GRB14: variants seen among roughly 807,000 people sequenced by gnomAD.
The protein encoded by GRB14 is growth factor receptor bound protein 14, also known as growth factor receptor-bound protein 14.
In GRB14, 38 loss-of-function variants were observed where a neutral mutation model predicts 69.1. The ratio of observed to expected loss-of-function variants is 0.55; its 90% CI spans 0.42 to 0.72. GRB14 has a LOEUF of 0.72. GRB14 is among the 30% of genes least tolerant of loss of function. The pLI is 0.00. For missense variants in GRB14, 666 were observed against 666.1 expected, an observed-to-expected ratio of 1.00 and a Z score of 0.00; for synonymous variants, 247 against 241.3, an observed-to-expected ratio of 1.02 and a Z score of -0.22.
chr2:164,558,530 T>C (rs887615475), intron 2 of GRB14, among the ~76,000 whole-genome samples: 4 of 152,206 alleles, frequency 2.6e-5, no homozygotes, highest in Admixed American at 2.6e-4. Context: ...TCATCAAAGC[T>C]GTGTTCTCTG....
chr2:164,553,205 TA>T (rs935302902), intron 2 of GRB14, among the ~76,000 whole-genome samples: 6 of 152,180 alleles, frequency 3.9e-5, no homozygotes, highest in African/African-American at 7.2e-5. Flanking sequence ...CAATTTTTTT[TA>T]AAAAAGGGCT....
At chr2:164,588,499 G>C (rs1689586688) in intron 2 of GRB14, among the ~76,000 whole-genome samples, 1 of 152,112 alleles carries the variant, frequency 6.6e-6, no homozygotes, top group African/African-American at 2.4e-5. Context: ...GTCATACGTA[G>C]GTGGAGAGAG....
chr2:164,551,152 C>T (rs777818525), intron 2 of GRB14, among the ~76,000 whole-genome samples: 14 of 152,160 alleles, frequency 9.2e-5, no homozygotes, highest in Admixed American at 7.9e-4. Context: ...ATCAGTGCAC[C>T]ATCGCCTCAG....
intron 2 of GRB14, among the ~76,000 whole-genome samples, chr2:164,567,688 A>T (rs1270987412): frequency 6.6e-6 from 1 of 152,198 alleles, no homozygotes; most frequent in East Asian, 1.9e-4. Flanking sequence ...GAGACATAAA[A>T]ATAATCTTTA....
chr2:164,539,463 G>T (rs910494887), intron 3 of GRB14, among the ~76,000 whole-genome samples: 2 of 118,546 alleles, frequency 1.7e-5, no homozygotes, highest in Admixed American at 1.8e-4. Context: ...GACAGACGGC[G>T]ACTCCATCTC....
chr2:164,586,996 G>A (rs1035827922), intron 2 of GRB14, among the ~76,000 whole-genome samples: 1 of 152,110 alleles, frequency 6.6e-6, no homozygotes, highest in African/African-American at 2.4e-5. Flanking sequence ...ATAAAAGACC[G>A]TAGGCATGAG....
chr2:164,507,499 T>G (rs1364132502), intron 8 of GRB14, among the ~76,000 whole-genome samples: 7 of 152,184 alleles, frequency 4.6e-5, no homozygotes, highest in Non-Finnish European at 1.0e-4. Context: ...ACATATAATA[T>G]GCATAATCAA....
intron 2 of GRB14, among the ~76,000 whole-genome samples, chr2:164,604,285 T>C (rs1689993414): frequency 6.6e-6 from 1 of 152,202 alleles, no homozygotes; most frequent in African/African-American, 2.4e-5. Flanking sequence ...TAGTGTGGTC[T>C]TTAATGATGG....
At chr2:164,512,677 C>T (rs1687370775) in intron 6 of GRB14, among the ~76,000 whole-genome samples, 1 of 152,092 alleles carries the variant, frequency 6.6e-6, no homozygotes, top group Non-Finnish European at 1.5e-5. Context: ...AATACATGCA[C>T]ACACATAAGA....
At chr2:164,611,850 G>T (rs57321212) in intron 2 of GRB14, among the ~76,000 whole-genome samples, 4,344 of 152,082 alleles carry the variant, frequency 0.029, 212 homozygotes, top group African/African-American at 0.098. Context: ...CACTATATGG[G>T]AATACCTGAA....
chr2:164,621,421 T>G lies in GRB14; in HGVS notation c.-112A>C, dbSNP rs911399867. The G allele has an allele frequency of 4.9e-5, 43 of 884,416 alleles. No individual in the cohort carries two copies. In the African/African-American group the frequency reaches 6.6e-4, roughly 14 times the overall value. The allele number at this position is 884,416 out of a possible 1,614,324, so 54.8% of individuals were successfully genotyped here. A position where few individuals can be genotyped will look rare whatever the true frequency, so the allele number is the denominator to read the frequency against. On this transcript the variant is annotated 5_prime_UTR_variant, in exon 1 of 14. Transcript: ENST00000263915. The surrounding 1 kb of genome is among the most constrained non-coding windows in gnomAD (Gnocchi z 6.0). ...AGGCAGCCCGAGCGCTCTGCAGGTG[T>G]GGTGGCCTCGCCGCCTGCGCTCGGG...
chr2:164,596,067 C>T (rs772030627), intron 2 of GRB14, among the ~76,000 whole-genome samples: 2 of 152,014 alleles, frequency 1.3e-5, no homozygotes, highest in East Asian at 1.9e-4. Context: ...GAGGTTGCAG[C>T]GAACCGAGAT....
At chr2:164,585,393 T>TA (rs1311463416) in intron 2 of GRB14, among the ~76,000 whole-genome samples, 3 of 152,116 alleles carry the variant, frequency 2.0e-5, no homozygotes, top group Non-Finnish European at 4.4e-5. Flanking sequence ...TGTTTTCAGT[T>TA]ACAAGCAGCA....
At chr2:164,619,152 G>A in intron 2 of GRB14, among the ~76,000 whole-genome samples, 1 of 152,172 alleles carries the variant, frequency 6.6e-6, no homozygotes, top group East Asian at 1.9e-4. Context: ...TCTATCTTCT[G>A]CAGCCAGAGC....
chr2:164,547,816 C>T lies in GRB14; in HGVS notation c.325G>A (p.Val109Met), dbSNP rs1688422957. The change falls in exon 3 of 14, where the codon GTG (valine) becomes ATG (methionine). Residue 109 changes from valine (V) to methionine (M), a missense_variant and splice_region_variant. Physicochemically the swap from Val to Met is conservative, Grantham distance 21 (BLOSUM62 1). Coordinates refer to ENST00000263915, the MANE Select transcript of GRB14 (RefSeq NM_004490.3). The stretch of plus-strand genomic sequence containing the variant: ...TCATCTTCACTGTATACTTTAATCA[C>T]CTGTGTAGGTAGAAACAAGAAAAAG... ...FPKANSRKKQ[V>M]IKVYSEDETS... 1 of 1,601,758 alleles carries T rather than the reference C, an allele frequency of 6.2e-7. No individual in the cohort carries two copies. The highest frequency in any genetic ancestry group is 8.5e-7 in the Non-Finnish European group (1 of 1,173,024).
intron 9 of GRB14, among the ~76,000 whole-genome samples, chr2:164,499,063 A>G (rs980853506): frequency 4.5e-4 from 68 of 152,272 alleles, no homozygotes; most frequent in African/African-American, 1.6e-3. Context: ...CTTTGCTGAC[A>G]TTAATGAAAA....
chr2:164,512,467 G>A (rs140822881), intron 6 of GRB14, among the ~76,000 whole-genome samples: 1,805 of 152,200 alleles, frequency 0.012, 36 homozygotes, highest in African/African-American at 0.04. Flanking sequence ...ACACCTGGCC[G>A]ATTTCCAGGG....
At chr2:164,598,105 A>C (rs1012037709) in intron 2 of GRB14, among the ~76,000 whole-genome samples, 2 of 152,054 alleles carry the variant, frequency 1.3e-5, no homozygotes, top group Admixed American at 1.3e-4. Context: ...ATCTTCTGCA[A>C]GCTGGTCCTG....
chr2:164,578,547 C>CAT (rs1045891733), intron 2 of GRB14, among the ~76,000 whole-genome samples: 1 of 151,750 alleles, frequency 6.6e-6, no homozygotes, highest in African/African-American at 2.4e-5. Context: ...CACACACACA[C>CAT]ACACAATATA....
Sources: gnomAD v4.1 joint callset for allele counts (sites outside exome capture counted in the v4.1 genomes callset) on GRCh38, gnomAD v4.1.1 for gene constraint, Gnocchi (gnomAD v3.1) non-coding constraint, MANE v1.5 for transcripts, NCBI Gene and HGNC (gene_info 2026-07-23, HGNC 2026-07-21) for gene names.